Variants in REEP1 observed in about 807,000 individuals in gnomAD.
REEP1 encodes receptor accessory protein 1, also known as receptor expression-enhancing protein 1.
REEP1 carries 22 observed loss-of-function variants against 40.3 expected under a neutral mutation model. The observed-to-expected ratio is 0.55, with a 90% CI of 0.39 to 0.78. The LOEUF is 0.78. Ranked by LOEUF, REEP1 falls within the 30% of genes least tolerant of loss-of-function variation. REEP1 has a pLI of 0.00. For synonymous variants in REEP1, 116 were observed against 139.2 expected (o/e 0.83, Z 1.17); for missense variants, 280 against 361.1 (o/e 0.78, Z 1.82).
intron 4 of REEP1, 148 bp from the exon 5 acceptor site, chr2:86,252,218 C>T (rs922167262): frequency 1.7e-5 from 12 of 703,966 alleles, no homozygotes; most frequent in Admixed American, 8.0e-5. Flanking sequence ...TGAAGGTGTG[C>T]GTGCAGAGGG....
At chr2:86,238,076 G>A (rs1675457597) in intron 5 of REEP1, among the ~76,000 whole-genome samples, 1 of 152,192 alleles carries the variant, frequency 6.6e-6, no homozygotes, top group Non-Finnish European at 1.5e-5. Context: ...AGCTACTCTG[G>A]AGGCTGAGGC....
At chr2:86,318,468 G>C (rs550925211) in intron 1 of REEP1, among the ~76,000 whole-genome samples, 1 of 144,900 alleles carries the variant, frequency 6.9e-6, no homozygotes, top group Non-Finnish European at 1.5e-5. Context: ...GTATGATCTC[G>C]GCCCACTGCA....
chr2:86,234,422 G>A (rs1285299802), intron 5 of REEP1, among the ~76,000 whole-genome samples: 1 of 152,178 alleles, frequency 6.6e-6, no homozygotes, highest in Non-Finnish European at 1.5e-5. Context: ...GGACACTGAG[G>A]TGGGAGGACC....
In REEP1 at chr2:86,214,330, AT is replaced by A. The variant is rs1314799472; in HGVS notation, c.*2708del. 11 of 152,726 alleles carry A rather than the reference AT, an allele frequency of 7.2e-5. No homozygotes were observed. Among genetic ancestry groups the A allele is most frequent in the Admixed American group, 7.2e-4 (11 of 15,284 alleles). 9.5% of individuals were successfully genotyped at this position (152,726 alleles called of 1,614,324 possible). On this transcript the variant is annotated 3_prime_UTR_variant, in exon 9 of 9. Coordinates refer to ENST00000538924, the MANE Select transcript of REEP1 (RefSeq NM_001371279.1). ...CTTATCACAAACACATGGATAGCTT[AT>A]CACGGAGAACACATTTCAAAGGCCA...
chr2:86,272,147 G>C (rs565901046), intron 2 of REEP1, among the ~76,000 whole-genome samples: 2 of 152,260 alleles, frequency 1.3e-5, no homozygotes, highest in South Asian at 4.2e-4. Flanking sequence ...GCTTGAATCC[G>C]GGAAGTGGAG....
intron 1 of REEP1, among the ~76,000 whole-genome samples, chr2:86,331,149 T>C (rs1680743817): frequency 6.6e-6 from 1 of 152,212 alleles, no homozygotes; most frequent in Non-Finnish European, 1.5e-5. Context: ...TTTCTCCACG[T>C]ATGCCAGGGG....
At chr2:86,226,102 CCACCACCACCACCATCAT>C (rs1484026748) in intron 7 of REEP1, among the ~76,000 whole-genome samples, 4 of 146,454 alleles carry the variant, frequency 2.7e-5, no homozygotes, top group South Asian at 2.1e-4. Context: ...ACCACCACCA[CCACCACCACCACCATCAT>C]CACCACCACC....
At chr2:86,332,436 AACACAC>A (rs55793634) in intron 1 of REEP1, among the ~76,000 whole-genome samples, 3,690 of 136,208 alleles carry the variant, frequency 0.027, 161 homozygotes, top group African/African-American at 0.091. Flanking sequence ...CTTTCCTGGA[AACACAC>A]ACACACACAC....
Position 86,216,818 on chromosome 2 carries a change from C to A in REEP1, c.*221G>T. On this transcript the variant is annotated 3_prime_UTR_variant, in exon 9 of 9. Coordinates refer to ENST00000538924, the MANE Select transcript of REEP1 (RefSeq NM_001371279.1). Reference sequence around the variant, plus strand: ...CTCAGAAGACTTAAAGGTCACCACCCCCGCCCCTACTACCTTTCCCTTTAG... The same window carrying A: ...CTCAGAAGACTTAAAGGTCACCACCACCGCCCCTACTACCTTTCCCTTTAG... 1.9e-6 allele frequency: 1 copy of A among 540,272 alleles called. No homozygotes were observed. The highest frequency in any genetic ancestry group is 3.3e-6 in the Non-Finnish European group (1 of 299,968). 33.5% of individuals were successfully genotyped at this position (540,272 alleles called of 1,614,324 possible). A position where few individuals can be genotyped will look rare whatever the true frequency, so the allele number is the denominator to read the frequency against.
In REEP1 at chr2:86,300,250, C is replaced by T. The variant is rs530439808; in HGVS notation, c.33-18008G>A. 2.8e-4 allele frequency among the ~76,000 whole-genome samples: 43 copies of T among 152,174 alleles called. 1 individual carries two copies. Among genetic ancestry groups the T allele is most frequent in the Admixed American group, 2.1e-3 (32 of 15,276 alleles). ...CCAAATTCTGCCTCTTTAGCCAAAT[C>T]GGTCCACTCTCTCTATTTCCCATCG... On this transcript the variant is annotated intron_variant, in intron 1 of 8. Transcript: ENST00000538924.
At chr2:86,298,559 C>T (rs1167728332) in intron 1 of REEP1, among the ~76,000 whole-genome samples, 3 of 152,220 alleles carry the variant, frequency 2.0e-5, no homozygotes, top group Non-Finnish European at 4.4e-5. Flanking sequence ...CATTGTTTAT[C>T]CCCATGCCTG....
At chr2:86,249,517 T>C (rs944370033) in intron 5 of REEP1, among the ~76,000 whole-genome samples, 3 of 152,246 alleles carry the variant, frequency 2.0e-5, no homozygotes, top group East Asian at 1.9e-4. Flanking sequence ...CAGTGACTTG[T>C]ACAGAGCTGG....
intron 1 of REEP1, among the ~76,000 whole-genome samples, chr2:86,296,487 A>G (rs9677974): frequency 0.72 from 109,999 of 152,248 alleles, 43,890 homozygotes; most frequent in East Asian, 0.88. Flanking sequence ...TTTTGATCAC[A>G]TGTATTTGTA....
At chr2:86,287,517 T>C (rs1357064853) in intron 1 of REEP1, among the ~76,000 whole-genome samples, 2 of 152,252 alleles carry the variant, frequency 1.3e-5, no homozygotes, top group Non-Finnish European at 2.9e-5. Flanking sequence ...TGTTTTGTGC[T>C]TTGTGTTCTT....
intron 1 of REEP1, among the ~76,000 whole-genome samples, chr2:86,289,230 T>C (rs1436386320): frequency 1.3e-5 from 2 of 152,198 alleles, no homozygotes; most frequent in Non-Finnish European, 2.9e-5. Flanking sequence ...TCTTTATGTA[T>C]GATGTGAGTT....
chr2:86,226,887 A>G (rs1235432756), intron 7 of REEP1, among the ~76,000 whole-genome samples: 2 of 152,114 alleles, frequency 1.3e-5, no homozygotes, highest in African/African-American at 4.8e-5. Context: ...GCTTCCAACA[A>G]ATAGAATAAG....
chr2:86,321,422 A>G (rs1680265819), intron 1 of REEP1, among the ~76,000 whole-genome samples: 1 of 152,172 alleles, frequency 6.6e-6, no homozygotes, highest in African/African-American at 2.4e-5. Context: ...TATTACACAC[A>G]CTATCTCAGA....
Position 86,329,255 on chromosome 2 carries a change from G to A in REEP1, c.32+8224C>T, listed in dbSNP as rs372920762. ...ATGGATACAGGATGCGGGGTGTGGC[G>A]AGCCAGAGTGGTTTTGGAAAAAGCA... On this transcript the variant is annotated intron_variant, in intron 1 of 8. Transcript: ENST00000538924. 5.9e-5 allele frequency among the ~76,000 whole-genome samples: 9 copies of A among 152,266 alleles called. No individual in the cohort carries two copies. In the South Asian group the frequency reaches 1.0e-3, roughly 18 times the overall value.
At chr2:86,230,019 C>T (rs995637206) in intron 6 of REEP1, among the ~76,000 whole-genome samples, 2 of 152,214 alleles carry the variant, frequency 1.3e-5, no homozygotes, top group Non-Finnish European at 2.9e-5. Context: ...CTCTTTGCCC[C>T]CTGTGGTCAT....
Sources: gnomAD v4.1 joint callset for allele counts (sites outside exome capture counted in the v4.1 genomes callset) on GRCh38, gnomAD v4.1.1 for gene constraint, MANE v1.5 for transcripts, NCBI Gene and HGNC (gene_info 2026-07-23, HGNC 2026-07-21) for gene names.